Variants in GRIP1 observed in about 807,000 individuals in gnomAD.
GRIP1 encodes glutamate receptor-interacting protein 1.
In GRIP1, 45 loss-of-function variants were observed where a neutral mutation model predicts 129.9. That is an observed-to-expected ratio of 0.35 (90% CI 0.27 to 0.44). The LOEUF is 0.44. Ranked by LOEUF, GRIP1 falls within the 20% of genes least tolerant of loss-of-function variation. GRIP1 has a pLI of 1.00. For synonymous variants in GRIP1, 530 were observed against 520.8 expected (o/e 1.02, Z -0.24); for missense variants, 1,196 against 1,396.8 (o/e 0.86, Z 2.29).
intron 23 of GRIP1, among the ~76,000 whole-genome samples, chr12:66,369,517 G>T (rs535936501): frequency 6.6e-6 from 1 of 151,816 alleles, no homozygotes; most frequent in Non-Finnish European, 1.5e-5. Context: ...GGAGGTAACT[G>T]TTTCACTCCA....
intron 1 of GRIP1, among the ~76,000 whole-genome samples, chr12:66,700,431 CT>C (rs57728495): frequency 0.021 from 2,860 of 137,870 alleles, 68 homozygotes; most frequent in African/African-American, 0.053. Flanking sequence ...CCAGTGGCAG[CT>C]TTTTTTTTTT....
At chr12:66,483,624 C>G (rs1233510125) in intron 7 of GRIP1, among the ~76,000 whole-genome samples, 1 of 152,196 alleles carries the variant, frequency 6.6e-6, no homozygotes, top group African/African-American at 2.4e-5. Flanking sequence ...CCTTATTTTA[C>G]ATGACAGATT....
intron 1 of GRIP1, among the ~76,000 whole-genome samples, chr12:66,620,497 CCTT>C (rs1161167276): frequency 6.6e-6 from 1 of 152,066 alleles, no homozygotes; most frequent in Non-Finnish European, 1.5e-5. Flanking sequence ...TCCACTCTCA[CCTT>C]CTGGACATTC....
intron 20 of GRIP1, among the ~76,000 whole-genome samples, chr12:66,377,838 T>C (rs1281122827): frequency 1.3e-5 from 2 of 152,050 alleles, no homozygotes; most frequent in African/African-American, 4.8e-5. Flanking sequence ...TTCAGACTAT[T>C]TGTGGCTGCT....
In GRIP1 at chr12:66,804,002, T is replaced by G. The variant is rs528347101; in HGVS notation, c.-420+51A>C. On this transcript the variant is annotated intron_variant, in intron 1 of 4. Transcript: ENST00000538373. ...GATTAAGGCTCCACACAAGGTTTAT[T>G]GTTAGCCCCAGCATGCGAGAAGGAA... 72 of 414,202 alleles carry G rather than the reference T, an allele frequency of 1.7e-4. 1 individual carries two copies. Among genetic ancestry groups the G allele is most frequent in the South Asian group, 1.1e-3 (65 of 56,922 alleles). 25.7% of individuals were successfully genotyped at this position (414,202 alleles called of 1,614,324 possible).
In GRIP1 at chr12:66,917,947, A is replaced by AACACACAC. The variant is rs58387290; in HGVS notation, c.58+151095_58+151102dup. Among the ~76,000 whole-genome samples, 594 of 147,626 alleles carry AACACACAC rather than the reference A, an allele frequency of 4.0e-3. 5 individuals carry two copies. The highest frequency in any genetic ancestry group is 0.021 in the East Asian group (103 of 5,010). ...CAAGAGAACCAATAAGAGATGTATAAACACACACACACACACACACACACA... is the reference window on the plus strand; with the variant it reads ...CAAGAGAACCAATAAGAGATGTATAAACACACACACACACACACACACACACACACACA... On this transcript the variant is annotated intron_variant, in intron 1 of 1. Transcript: ENST00000643019.
At chr12:67,022,532 T>TGGAA (rs2042882783) in intron 1 of GRIP1, among the ~76,000 whole-genome samples, 1 of 152,206 alleles carries the variant, frequency 6.6e-6, no homozygotes, top group Non-Finnish European at 1.5e-5. Context: ...ACAGTGCTTG[T>TGGAA]ACCATTTTAC....
intron 1 of GRIP1, among the ~76,000 whole-genome samples, chr12:66,903,751 G>A (rs529684256): frequency 6.6e-6 from 1 of 152,298 alleles, no homozygotes; most frequent in South Asian, 2.1e-4. Flanking sequence ...AAAATGATAT[G>A]AAGGGAAAGA....
chr12:66,394,484 G>A, intron 16 of GRIP1, 132 bp from the exon 17 acceptor site: 1 of 795,226 alleles, frequency 1.3e-6, no homozygotes, highest in Non-Finnish European at 2.1e-6. Context: ...AATTATTTTG[G>A]GAAGTAGCAT....
At chr12:66,854,008 G>A (rs569461243) in intron 1 of GRIP1, among the ~76,000 whole-genome samples, 1 of 151,966 alleles carries the variant, frequency 6.6e-6, no homozygotes, top group East Asian at 1.9e-4. Flanking sequence ...ACTCTCTTTG[G>A]GTTGATGGGC....
Position 66,678,990 on chromosome 12 carries a change from G to A in GRIP1, c.-86C>T, listed in dbSNP as rs965606050. 5.9e-5 allele frequency: 94 copies of A among 1,603,886 alleles called. No homozygotes were observed. The African/African-American group carries it at 9.0e-4, about 15-fold the overall frequency. ...CAGCAGCAGCATATGAATTCCTTGCGCACATACCAGGAGAAAGGTAGTCCC... is the reference window on the plus strand; with the variant it reads ...CAGCAGCAGCATATGAATTCCTTGCACACATACCAGGAGAAAGGTAGTCCC... On this transcript the variant is annotated 5_prime_UTR_variant, in exon 1 of 25. Coordinates refer to ENST00000359742, the MANE Select transcript of GRIP1 (RefSeq NM_001366722.1).
At chr12:66,597,562 T>C (rs760495172) in intron 1 of GRIP1, among the ~76,000 whole-genome samples, 1 of 152,124 alleles carries the variant, frequency 6.6e-6, no homozygotes, top group Non-Finnish European at 1.5e-5. Context: ...AAAGAAGACA[T>C]ATATTGCAAT....
In GRIP1 at chr12:66,445,587, T is replaced by C. The variant is rs1485413312; in HGVS notation, c.1355-79A>G. 3 of 1,015,944 alleles carry C rather than the reference T, an allele frequency of 3.0e-6. No individual in the cohort carries two copies. In the Admixed American group the frequency reaches 7.0e-5, roughly 24 times the overall value. 62.9% of individuals were successfully genotyped at this position (1,015,944 alleles called of 1,614,324 possible). On this transcript the variant is annotated intron_variant, in intron 11 of 24. Coordinates refer to ENST00000359742, the MANE Select transcript of GRIP1 (RefSeq NM_001366722.1). ...ACCAGCATTTCCAAAATAGATCATG[T>C]CTCTGCATAAAAACTGAATGGCAAT...
intron 1 of GRIP1, among the ~76,000 whole-genome samples, chr12:67,028,371 A>T (rs894355850): frequency 7.2e-5 from 11 of 152,254 alleles, no homozygotes; most frequent in African/African-American, 2.4e-4. Context: ...GTGTTTGAAT[A>T]GAACGACTTT....
chr12:67,058,247 A>G (rs2043471664), intron 1 of GRIP1, among the ~76,000 whole-genome samples: 3 of 152,238 alleles, frequency 2.0e-5, no homozygotes, highest in Admixed American at 2.0e-4. Flanking sequence ...TGAAAACTAC[A>G]TTCAGTACCT....
chr12:67,006,573 C>T lies in GRIP1; in HGVS notation c.58+62477G>A, dbSNP rs146997796. ...CTGCACTCCAGCCTAGGCAACAAAG[C>T]GAGATCTTGTCTCAAAAAAATAAAA... On this transcript the variant is annotated intron_variant, in intron 1 of 1. Coordinates refer to the GRIP1 transcript ENST00000643019. Among the ~76,000 whole-genome samples the T allele has an allele frequency of 9.7e-4, 147 of 152,136 alleles. No individual in the cohort carries two copies. The East Asian group carries it at 0.015, about 16-fold the overall frequency.
chr12:66,965,430 C>T (rs913467614), intron 1 of GRIP1, among the ~76,000 whole-genome samples: 3 of 151,712 alleles, frequency 2.0e-5, no homozygotes, highest in Non-Finnish European at 2.9e-5. Flanking sequence ...ATGTTTTAAA[C>T]CTTCAATATG....
At chr12:66,761,910 G>A (rs888126438) in intron 1 of GRIP1, among the ~76,000 whole-genome samples, 20 of 152,292 alleles carry the variant, frequency 1.3e-4, no homozygotes, top group Middle Eastern at 3.4e-3. Flanking sequence ...GGCCTGGGGT[G>A]AGTCCTGGCT....
chr12:66,348,235 T>A lies in GRIP1; in HGVS notation c.*784A>T, dbSNP rs1049610748. 1 of 152,160 alleles carries A rather than the reference T, an allele frequency of 6.6e-6. No homozygotes were observed. Among genetic ancestry groups the A allele is most frequent in the Admixed American group, 6.5e-5 (1 of 15,274 alleles). 9.4% of individuals were successfully genotyped at this position (152,160 alleles called of 1,614,324 possible). A position where few individuals can be genotyped will look rare whatever the true frequency, so the allele number is the denominator to read the frequency against. On this transcript the variant is annotated 3_prime_UTR_variant, in exon 25 of 25. Coordinates refer to ENST00000359742, the MANE Select transcript of GRIP1 (RefSeq NM_001366722.1). ...TTAATAGACTCTTCATTCTCTGAAGTTCTTAGTCTTGAATTTTAAAAATAA... is the reference window on the plus strand; with the variant it reads ...TTAATAGACTCTTCATTCTCTGAAGATCTTAGTCTTGAATTTTAAAAATAA...
Sources: allele counts gnomAD v4.1 joint callset (sites outside exome capture counted in the v4.1 genomes callset), GRCh38; gene constraint gnomAD v4.1.1; transcripts MANE v1.5; gene names NCBI Gene and HGNC (gene_info 2026-07-23, HGNC 2026-07-21).